SP5: variants seen among roughly 807,000 people sequenced by gnomAD.
The protein encoded by SP5 is Sp5 transcription factor.
In SP5, 12 loss-of-function variants were observed where a neutral mutation model predicts 27.4. The ratio of observed to expected loss-of-function variants is 0.44; its 90% CI spans 0.28 to 0.71. SP5 has a LOEUF of 0.71. SP5 is among the 30% of genes least tolerant of loss of function. SP5 has a pLI of 0.15. For synonymous variants in SP5, 330 were observed against 290.7 expected (o/e 1.14, Z -1.38); for missense variants, 660 against 589.8 (o/e 1.12, Z -1.23).
chr2:170,716,948 T>C lies in SP5; in HGVS notation c.741T>C (p.Phe247=), dbSNP rs1459336004. Residue 247 remains phenylalanine (F), a synonymous_variant, in exon 2 of 2, where the codon TTT becomes TTC. Coordinates refer to ENST00000375281, the MANE Select transcript of SP5 (RefSeq NM_001003845.3). ...QRGLVLGPSD[F]AQYQSQIAAL... ...GCCTGGTGTTGGGCCCGTCGGACTT[T>C]GCGCAGTACCAGAGCCAGATCGCCG... 3.2e-6 allele frequency: 5 copies of C among 1,547,350 alleles called. No individual in the cohort carries two copies. Among genetic ancestry groups the C allele is most frequent in the Non-Finnish European group, 3.5e-6 (4 of 1,146,322 alleles).
intron 1 of SP5, 182 bp from the exon 2 acceptor site, chr2:170,716,077 G>A (rs1700058794): frequency 7.1e-7 from 1 of 1,401,278 alleles, no homozygotes; most frequent in Non-Finnish European, 9.2e-7. Flanking sequence ...AGGTAGCGCA[G>A]GCACCAAAAG....
Position 170,717,560 on chromosome 2 carries a change from G to C in SP5, c.*156G>C, listed in dbSNP as rs542581258. 72 of 1,015,138 alleles carry C rather than the reference G, an allele frequency of 7.1e-5. No individual in the cohort carries two copies. The African/African-American group carries it at 1.0e-3, about 15-fold the overall frequency. The allele number at this position is 1,015,138 out of a possible 1,614,324, so 62.9% of individuals were successfully genotyped here. ...CCAACTTCCGCTGCCTTCGGACATA[G>C]GGACCCAGTTCCCAGGAGCGGGGAG... On this transcript the variant is annotated 3_prime_UTR_variant, in exon 2 of 2. Coordinates refer to ENST00000375281, the MANE Select transcript of SP5 (RefSeq NM_001003845.3).
Position 170,716,788 on chromosome 2 carries a change from A to G in SP5, c.581A>G (p.Gln194Arg). The change falls in exon 2 of 2, where the codon CAG (glutamine) becomes CGG (arginine). Residue 194 changes from glutamine (Q) to arginine (R), a missense_variant. Physicochemically the swap from Gln to Arg is conservative, Grantham distance 43. Transcript: ENST00000375281. ...PDDLPWWSIP[Q>R]AGAGPGASGV... is the part of the protein sequence containing the mutation. ...GACCTCCCGTGGTGGAGCATCCCGC[A>G]GGCGGGCGCCGGGCCGGGGGCCTCC... 7.1e-7 allele frequency: 1 copy of G among 1,409,778 alleles called. No homozygotes were observed. The highest frequency in any genetic ancestry group is 1.6e-5 in the South Asian group (1 of 64,360). The allele number at this position is 1,409,778 out of a possible 1,614,324, so 87.3% of individuals were successfully genotyped here.
Position 170,717,108 on chromosome 2 carries a change from C to G in SP5, c.901C>G (p.Pro301Ala), listed in dbSNP as rs935378067. The change falls in exon 2 of 2, where the codon CCG becomes GCG. Residue 301 changes from proline (P) to alanine (A), a missense_variant. By Grantham distance (27) the Pro-to-Ala change is conservative. Coordinates refer to ENST00000375281, the MANE Select transcript of SP5 (RefSeq NM_001003845.3). ...GKKKQHVCHV[P>A]GCGKVYGKTS... ...GAAGAAGCAGCACGTGTGCCACGTG[C>G]CGGGCTGCGGCAAGGTGTACGGGAA... is the stretch of plus-strand genomic sequence containing the variant. 2.5e-6 allele frequency: 4 copies of G among 1,586,072 alleles called. No homozygotes were observed. The highest frequency in any genetic ancestry group is 3.4e-6 in the Non-Finnish European group (4 of 1,167,530).
In SP5 at chr2:170,716,883, G is replaced by T. The variant is rs1369642639; in HGVS notation, c.676G>T (p.Ala226Ser). 7 of 1,502,686 alleles carry T rather than the reference G, an allele frequency of 4.7e-6. No homozygotes were observed. Among genetic ancestry groups the T allele is most frequent in the Non-Finnish European group, 6.2e-6 (7 of 1,128,354 alleles). The allele number at this position is 1,502,686 out of a possible 1,614,324, so 93.1% of individuals were successfully genotyped here. A position where few individuals can be genotyped will look rare whatever the true frequency, so the allele number is the denominator to read the frequency against. The change falls in exon 2 of 2, where the codon GCG becomes TCG. Residue 226 changes from alanine to serine, a missense_variant. Coordinates refer to ENST00000375281, the MANE Select transcript of SP5 (RefSeq NM_001003845.3). ...APHAPRFPASAAAAAAAAAAL... is the reference protein window; with the variant it reads ...APHAPRFPASSAAAAAAAAAL... ...CCACGCGCCCCGCTTCCCCGCCTCT[G>T]CGGCCGCTGCTGCTGCGGCCGCCGC...
At position 170,717,492 on chromosome 2, in the gene SP5, C is replaced by T. The variant is rs1279319093; in HGVS notation, c.*88C>T. 2 of 1,500,874 alleles carry T rather than the reference C, an allele frequency of 1.3e-6. No homozygotes were observed. Among genetic ancestry groups the T allele is most frequent in the East Asian group, 2.4e-5 (1 of 41,630 alleles). 93.0% of individuals were successfully genotyped at this position (1,500,874 alleles called of 1,614,324 possible). ...GCTGGCGGAGGGGAGACTCAGCAGACGGACCCTCTCCGTTGCCTGCCTCCC... is the reference window on the plus strand; with the variant it reads ...GCTGGCGGAGGGGAGACTCAGCAGATGGACCCTCTCCGTTGCCTGCCTCCC... On this transcript the variant is annotated 3_prime_UTR_variant, in exon 2 of 2. Coordinates refer to ENST00000375281, the MANE Select transcript of SP5 (RefSeq NM_001003845.3).
In SP5 at chr2:170,715,577, C is replaced by T. The variant is rs1386612961; in HGVS notation, c.51+14C>T. 12 of 1,552,130 alleles carry T rather than the reference C, an allele frequency of 7.7e-6. No homozygotes were observed. In the South Asian group the frequency reaches 1.4e-4, roughly 19 times the overall value. ...GCCTTTCTCCAGGTCAGGGCCGAGCCCGGAGGGGGCGGGAGAAAGGTGGAA... is the reference window on the plus strand; with the variant it reads ...GCCTTTCTCCAGGTCAGGGCCGAGCTCGGAGGGGGCGGGAGAAAGGTGGAA... On this transcript the variant is annotated intron_variant, in intron 1 of 1. Coordinates refer to ENST00000375281, the MANE Select transcript of SP5 (RefSeq NM_001003845.3).
rs1700086570 is a variant in SP5 at position 170,717,042 on chromosome 2, T to C, written c.835T>C (p.Cys279Arg). Residue 279 changes from cysteine (C) to arginine (R), a missense_variant, in exon 2 of 2, where the codon TGC becomes CGC. Transcript: ENST00000375281. ...GTGCCGCCGCTGCCGCTGTCCCAAC[T>C]GCCAGGCGGCGGGCGGCGCCCCCGA... ...RRCRRCRCPN[C>R]QAAGGAPEAE... 1.3e-6 allele frequency: 2 copies of C among 1,548,484 alleles called. No homozygotes were observed. The highest frequency in any genetic ancestry group is 1.7e-6 in the Non-Finnish European group (2 of 1,146,944).
rs185558675 is a variant in SP5 at position 170,717,519 on chromosome 2, A to G, written c.*115A>G. 1.5e-6 allele frequency: 2 copies of G among 1,361,432 alleles called. No individual in the cohort carries two copies. The highest frequency in any genetic ancestry group is 2.5e-5 in the East Asian group (1 of 40,010). The allele number at this position is 1,361,432 out of a possible 1,614,324, so 84.3% of individuals were successfully genotyped here. A position where few individuals can be genotyped will look rare whatever the true frequency, so the allele number is the denominator to read the frequency against. On this transcript the variant is annotated 3_prime_UTR_variant, in exon 2 of 2. Coordinates refer to ENST00000375281, the MANE Select transcript of SP5 (RefSeq NM_001003845.3). ...GACCCTCTCCGTTGCCTGCCTCCCA[A>G]AATGGAGCCAGGCTTCCAACTTCCG...
intron 1 of SP5, 61 bp from the exon 2 acceptor site, chr2:170,716,198 G>A: frequency 2.6e-6 from 4 of 1,534,910 alleles, no homozygotes; most frequent in African/African-American, 1.4e-5. Context: ...GGGCTGGCCC[G>A]GAGTCCGCGC....
Position 170,716,390 on chromosome 2 carries a change from C to A in SP5, c.183C>A (p.Pro61=), listed in dbSNP as rs370850115. The A allele has an allele frequency of 3.3e-4, 529 of 1,598,546 alleles. 3 individuals are homozygous for A. The African/African-American group carries it at 5.5e-3, about 17-fold the overall frequency. Reference sequence around the variant, plus strand: ...ACTTCCTGCAGGTGCCCTACGACCCCGCGCTGGGCTCACCCTCCAGGCTCT... The same window carrying A: ...ACTTCCTGCAGGTGCCCTACGACCCAGCGCTGGGCTCACCCTCCAGGCTCT... The part of the protein sequence containing the change: ...PPDFLQVPYD[P]ALGSPSRLFH... The change falls in exon 2 of 2, where the codon CCC becomes CCA. Residue 61 remains proline, a synonymous_variant. Transcript: ENST00000375281.
rs1205229918 is a variant in SP5, at chr2:170,717,302, C to T, written c.1095C>T (p.Phe365=). 3 of 1,609,866 alleles carry T rather than the reference C, an allele frequency of 1.9e-6. No homozygotes were observed. Among genetic ancestry groups the T allele is most frequent in the East Asian group, 2.2e-5 (1 of 44,874 alleles). Reference sequence around the variant, plus strand: ...CCTGTCCCGAGTGCGGCAAGCGCTTCATGCGCAGCGACCACCTCGCGAAGC... The same window carrying T: ...CCTGTCCCGAGTGCGGCAAGCGCTTTATGCGCAGCGACCACCTCGCGAAGC... ...RFACPECGKR[F]MRSDHLAKHV... Residue 365 remains phenylalanine (F), a synonymous_variant, in exon 2 of 2, where the codon TTC becomes TTT. Coordinates refer to ENST00000375281, the MANE Select transcript of SP5 (RefSeq NM_001003845.3).
chr2:170,715,715 C>G, intron 1 of SP5, 152 bp downstream of exon 1: 8 of 1,418,286 alleles, frequency 5.6e-6, no homozygotes, highest in Non-Finnish European at 6.4e-6. Context: ...AACTTCACAC[C>G]TAATCCGGTG....
chr2:170,715,799 C>T lies in SP5; in HGVS notation c.51+236C>T, dbSNP rs1295143454. 6 of 985,294 alleles carry T rather than the reference C, an allele frequency of 6.1e-6. No individual in the cohort carries two copies. The South Asian group carries it at 2.8e-4, about 46-fold the overall frequency. 61.0% of individuals were successfully genotyped at this position (985,294 alleles called of 1,614,324 possible). ...CGGCTGGCCGAGAACAGGACCGGAG[C>T]TCACCCTGCTGGGCCCTCCTGCTGA... On this transcript the variant is annotated intron_variant, in intron 1 of 1. Transcript: ENST00000375281.
chr2:170,715,783 G>A (rs1285301428), intron 1 of SP5: 2 of 985,232 alleles, frequency 2.0e-6, no homozygotes, highest in Non-Finnish European at 2.4e-6. Context: ...CCGGCTGGCC[G>A]AGAACAGGAC....
chr2:170,716,548 C>A lies in SP5; in HGVS notation c.341C>A (p.Thr114Lys). 1 of 1,611,068 alleles carries A rather than the reference C, an allele frequency of 6.2e-7. No individual in the cohort carries two copies. The highest frequency in any genetic ancestry group is 8.5e-7 in the Non-Finnish European group (1 of 1,179,210). ...GGGGCTGCGCACGAGCTTCCCCTTA[C>A]ACCCCCCGCCGACCCCTCGTACCCC... is the stretch of plus-strand genomic sequence containing the variant. ...SFGAAHELPLTPPADPSYPYE... is the reference protein window; with the variant it reads ...SFGAAHELPLKPPADPSYPYE... The change falls in exon 2 of 2, where the codon ACA becomes AAA. Residue 114 changes from threonine to lysine, a missense_variant. By Grantham distance (78) the Thr-to-Lys change is moderately conservative. Transcript: ENST00000375281.
At chr2:170,715,774 C>T (rs1559229778) in intron 1 of SP5, 1 of 985,418 alleles carries the variant, frequency 1.0e-6, no homozygotes, top group Non-Finnish European at 1.2e-6. Flanking sequence ...CGGAGGTGCC[C>T]GGCTGGCCGA....
chr2:170,716,187 C>T, intron 1 of SP5, 72 bp from the exon 2 acceptor site: 1 of 1,508,202 alleles, frequency 6.6e-7, no homozygotes. Context: ...GTGGGGGCGG[C>T]GGGCTGGCCC....
chr2:170,716,747 C>T lies in SP5; in HGVS notation c.540C>T (p.Pro180=). 2 of 1,470,456 alleles carry T rather than the reference C, an allele frequency of 1.4e-6. 1 individual carries two copies. Among genetic ancestry groups the T allele is most frequent in the South Asian group, 2.7e-5 (2 of 75,154 alleles). The allele number at this position is 1,470,456 out of a possible 1,614,324, so 91.1% of individuals were successfully genotyped here. A position where few individuals can be genotyped will look rare whatever the true frequency, so the allele number is the denominator to read the frequency against. The change falls in exon 2 of 2, where the codon CCC becomes CCT. Residue 180 remains proline, a synonymous_variant. Transcript: ENST00000375281. The part of the protein sequence containing the change: ...PPPPTCRQLS[P]NPAPDDLPWW... ...CGCCCACCTGCCGCCAGTTGTCACC[C>T]AACCCGGCCCCCGACGACCTCCCGT...
Sources: gnomAD v4.1 joint callset for allele counts on GRCh38, gnomAD v4.1.1 for gene constraint, MANE v1.5 for transcripts, NCBI Gene and HGNC (gene_info 2026-07-23, HGNC 2026-07-21) for gene names.